The following NRXN1 variants were observed in gnomAD, a reference collection of about 807,000 sequenced individuals.
NRXN1 encodes neurexin-1.
NRXN1 carries 39 observed loss-of-function variants against 150.9 expected under a neutral mutation model. The ratio of observed to expected loss-of-function variants is 0.26; its 90% CI spans 0.20 to 0.34. The LOEUF (loss-of-function observed/expected upper bound fraction) is 0.34. Among genes scored for constraint, NRXN1 ranks in the 10% least tolerant of loss-of-function variants. The pLI, the probability that NRXN1 is intolerant of heterozygous loss-of-function variation, is 1.00. For missense variants in NRXN1, 1,815 were observed against 1,949.9 expected (o/e 0.93, Z 1.30); for synonymous variants, 924 against 757.0 (o/e 1.22, Z -3.62).
At chr2:50,945,955 T>A (rs1484323941) in intron 2 of NRXN1, among the ~76,000 whole-genome samples, 1 of 149,742 alleles carries the variant, frequency 6.7e-6, no homozygotes, top group African/African-American at 2.4e-5. Context: ...ATTATTATTA[T>A]TATTATTAAT....
intron 5 of NRXN1, among the ~76,000 whole-genome samples, chr2:50,625,392 A>C (rs955650650): frequency 1.3e-5 from 2 of 152,106 alleles, no homozygotes; most frequent in Non-Finnish European, 2.9e-5. Flanking sequence ...CAAGACTATC[A>C]GTCAGACCAA....
At chr2:50,485,777 G>A (rs1022714716) in intron 15 of NRXN1, among the ~76,000 whole-genome samples, 1 of 152,168 alleles carries the variant, frequency 6.6e-6, no homozygotes, top group South Asian at 2.1e-4. Flanking sequence ...GAAAAGCCTT[G>A]GATGAACCCA....
Position 50,126,695 on chromosome 2 carries a change from C to G in NRXN1, c.3547-35201G>C, listed in dbSNP as rs190417047. 6.8e-4 allele frequency among the ~76,000 whole-genome samples: 103 copies of G among 151,980 alleles called. 3 individuals carry two copies. The highest frequency in any genetic ancestry group is 2.4e-3 in the African/African-American group (99 of 41,490). ...TTTCTTCAAGAGAACATCTCATTAA[C>G]ATTAACAGAAACTGTGCCCAGAAAA... On this transcript the variant is annotated intron_variant, in intron 18 of 22. Coordinates refer to ENST00000401669, the MANE Select transcript of NRXN1 (RefSeq NM_001330078.2).
chr2:50,427,970 G>A (rs1442907069), intron 17 of NRXN1, among the ~76,000 whole-genome samples: 1 of 152,146 alleles, frequency 6.6e-6, no homozygotes, highest in East Asian at 1.9e-4. Flanking sequence ...TTGGCGAACA[G>A]AAGAATTAGA....
intron 17 of NRXN1, among the ~76,000 whole-genome samples, chr2:50,302,696 C>G (rs948201440): frequency 6.6e-6 from 1 of 152,050 alleles, no homozygotes; most frequent in African/African-American, 2.4e-5. Context: ...ACATGAGCAC[C>G]AAGCACATGG....
Position 50,524,739 on chromosome 2 carries a change from C to T in NRXN1, c.2374+3886G>A, listed in dbSNP as rs1020610738. Among the ~76,000 whole-genome samples, 5 of 151,758 alleles carry T rather than the reference C, an allele frequency of 3.3e-5. No homozygotes were observed. In the South Asian group the frequency reaches 1.0e-3, roughly 32 times the overall value. ...AGTTGATAGGAGCAAGTTTAGTTTT[C>T]AAAATTTCAATGTATTTACACCTCA... On this transcript the variant is annotated intron_variant, in intron 12 of 22. Transcript: ENST00000401669.
intron 2 of NRXN1, among the ~76,000 whole-genome samples, chr2:50,961,689 AC>A: frequency 6.6e-6 from 1 of 151,884 alleles, no homozygotes; most frequent in South Asian, 2.1e-4. Flanking sequence ...AGATATTTTA[AC>A]CAATGATTCT....
At chr2:50,548,275 A>G (rs1001491297) in intron 9 of NRXN1, 2 of 152,184 alleles carry the variant, frequency 1.3e-5, no homozygotes, top group African/African-American at 2.4e-5. Flanking sequence ...TCCTGTTCTC[A>G]TAAAAACTTG....
At chr2:50,488,747 G>C (rs1219656177) in intron 15 of NRXN1, among the ~76,000 whole-genome samples, 1 of 152,178 alleles carries the variant, frequency 6.6e-6, no homozygotes, top group Non-Finnish European at 1.5e-5. Flanking sequence ...GGAGGTCTGA[G>C]AGCTAGGAAA....
intron 12 of NRXN1, among the ~76,000 whole-genome samples, chr2:50,522,665 G>A (rs1378298901): frequency 3.7e-5 from 5 of 136,188 alleles, no homozygotes; most frequent in African/African-American, 1.4e-4. Context: ...ATTCTCATAA[G>A]TTTAAACATG....
intron 22 of NRXN1, among the ~76,000 whole-genome samples, chr2:49,934,466 T>A (rs1488213489): frequency 1.3e-5 from 2 of 152,222 alleles, no homozygotes; most frequent in Admixed American, 1.3e-4. Flanking sequence ...TTGGGTCTCT[T>A]TGCTTTGGGT....
At chr2:49,955,188 G>C (rs1232198026) in intron 21 of NRXN1, among the ~76,000 whole-genome samples, 2 of 152,066 alleles carry the variant, frequency 1.3e-5, no homozygotes, top group African/African-American at 4.8e-5. Flanking sequence ...TATGAAAAAG[G>C]CATGATTGTC....
chr2:50,890,322 G>A (rs918512589), intron 5 of NRXN1, among the ~76,000 whole-genome samples: 3 of 151,744 alleles, frequency 2.0e-5, no homozygotes, highest in Non-Finnish European at 2.9e-5. Context: ...AAAACTTAGA[G>A]AAGACATTAA....
Position 50,558,450 on chromosome 2 carries a change from C to T in NRXN1, c.1321-5425G>A, listed in dbSNP as rs370840922. Among the ~76,000 whole-genome samples the T allele has an allele frequency of 2.4e-4, 37 of 152,224 alleles. 1 individual carries two copies. In the South Asian group the frequency reaches 7.5e-3, roughly 31 times the overall value. ...ATAACCTTTCAATGAGTTACATGTG[C>T]GTTCTAAATACCAGTATTTTTCCTT... On this transcript the variant is annotated intron_variant, in intron 8 of 22. Coordinates refer to ENST00000401669, the MANE Select transcript of NRXN1 (RefSeq NM_001330078.2).
chr2:50,619,580 T>G (rs1679619759), intron 8 of NRXN1: 1 of 237,372 alleles, frequency 4.2e-6, no homozygotes, highest in Non-Finnish European at 8.0e-6. Context: ...TTGTTTTAGT[T>G]TTGTTTTGAA....
chr2:50,109,709 T>C (rs762855242), intron 18 of NRXN1, among the ~76,000 whole-genome samples: 4 of 152,170 alleles, frequency 2.6e-5, no homozygotes, highest in African/African-American at 4.8e-5. Context: ...TACCCTATTT[T>C]CACAGCTGAT....
rs1406902331 is a variant in NRXN1 at position 50,074,199 on chromosome 2, A to G, written c.3718+17124T>C. ...GAGTACATCATTTTTAAAACATTTT[A>G]TATTATCACTATAATTTAGGTAAAA... On this transcript the variant is annotated intron_variant, in intron 19 of 22. Coordinates refer to ENST00000401669, the MANE Select transcript of NRXN1 (RefSeq NM_001330078.2). 2.0e-5 allele frequency among the ~76,000 whole-genome samples: 3 copies of G among 152,152 alleles called. No individual in the cohort carries two copies. In the East Asian group the frequency reaches 5.8e-4, roughly 29 times the overall value.
At chr2:50,552,299 T>C (rs765585143) in intron 9 of NRXN1, among the ~76,000 whole-genome samples, 89 of 152,220 alleles carry the variant, frequency 5.8e-4, no homozygotes, top group Non-Finnish European at 1.0e-3. Flanking sequence ...CACTTGCAAA[T>C]TCAAGACAAA....
chr2:50,975,162 T>C (rs370153114), intron 2 of NRXN1, among the ~76,000 whole-genome samples: 4 of 152,252 alleles, frequency 2.6e-5, no homozygotes, highest in African/African-American at 9.6e-5. Context: ...GATGATGTCA[T>C]CACTCTGAGA....
Sources: allele counts gnomAD v4.1 joint callset (sites outside exome capture counted in the v4.1 genomes callset), GRCh38; gene constraint gnomAD v4.1.1; transcripts MANE v1.5; gene names NCBI Gene and HGNC (gene_info 2026-07-23, HGNC 2026-07-21).